TLN2: variants seen among roughly 807,000 people sequenced by gnomAD.
The protein encoded by TLN2 is talin-2.
TLN2 carries 118 observed loss-of-function variants against 294.7 expected under a neutral mutation model. The observed-to-expected ratio is 0.40, with a 90% CI of 0.34 to 0.47. The LOEUF is 0.47. Among genes scored for constraint, TLN2 ranks in the 20% least tolerant of loss-of-function variants. The pLI, the probability that TLN2 is intolerant of heterozygous loss-of-function variation, is 0.84. For synonymous variants in TLN2, 1,431 were observed against 1,304.5 expected, an observed-to-expected ratio of 1.10 and a Z score of -2.09; for missense variants, 3,083 against 3,282.2, an observed-to-expected ratio of 0.94 and a Z score of 1.48.
At chr15:62,763,515 G>A in intron 39 of TLN2, 48 bp from the exon 40 acceptor site, 2 of 1,562,712 alleles carry the variant, frequency 1.3e-6, no homozygotes, top group Non-Finnish European at 1.7e-6. Context: ...CAGGCTGTGG[G>A]ACTTGAGCCC....
At chr15:62,472,959 C>T (rs2037567808) in intron 1 of TLN2, among the ~76,000 whole-genome samples, 1 of 152,190 alleles carries the variant, frequency 6.6e-6, no homozygotes, top group Non-Finnish European at 1.5e-5. Context: ...TGGTTCTTTG[C>T]TCCTTTCTTA....
At chr15:62,747,141 C>G (rs2061661041) in intron 32 of TLN2, among the ~76,000 whole-genome samples, 1 of 152,158 alleles carries the variant, frequency 6.6e-6, no homozygotes, top group South Asian at 2.1e-4. Context: ...TACGAATGGC[C>G]ATGACTTTCA....
At chr15:62,699,622 A>G (rs961008587) in intron 16 of TLN2, among the ~76,000 whole-genome samples, 1 of 152,170 alleles carries the variant, frequency 6.6e-6, no homozygotes, top group Non-Finnish European at 1.5e-5. Flanking sequence ...AGCATTGGCA[A>G]TTCCTAGGGT....
At chr15:62,587,764 G>C (rs1262628932) in intron 1 of TLN2, among the ~76,000 whole-genome samples, 1 of 152,202 alleles carries the variant, frequency 6.6e-6, no homozygotes, top group Non-Finnish European at 1.5e-5. Flanking sequence ...GGTGGCTACA[G>C]AATGACGTTT....
intron 1 of TLN2, among the ~76,000 whole-genome samples, chr15:62,568,048 A>G (rs1272077968): frequency 1.3e-5 from 2 of 152,156 alleles, no homozygotes; most frequent in African/African-American, 4.8e-5. Context: ...TGAGCCCACG[A>G]CCACAGATAT....
chr15:62,595,822 G>T (rs1338178330), intron 2 of TLN2, among the ~76,000 whole-genome samples: 3 of 152,182 alleles, frequency 2.0e-5, no homozygotes, highest in African/African-American at 4.8e-5. Context: ...AAATACCCGT[G>T]TTCTTAATTA....
intron 50 of TLN2, among the ~76,000 whole-genome samples, chr15:62,802,671 G>T (rs1361247681): frequency 6.6e-6 from 1 of 152,154 alleles, no homozygotes; most frequent in Non-Finnish European, 1.5e-5. Flanking sequence ...CATAGTGTTT[G>T]TACTAATTTA....
intron 1 of TLN2, among the ~76,000 whole-genome samples, chr15:62,585,657 T>A (rs965380278): frequency 6.6e-6 from 1 of 152,176 alleles, no homozygotes; most frequent in Non-Finnish European, 1.5e-5. Context: ...TGCTAAATGA[T>A]TTATTGTATG....
chr15:62,554,666 A>G (rs1231921765), intron 1 of TLN2, among the ~76,000 whole-genome samples: 1 of 152,164 alleles, frequency 6.6e-6, no homozygotes, highest in Non-Finnish European at 1.5e-5. Flanking sequence ...TTCTGGAACA[A>G]ACGGAAAAAG....
At position 62,521,472 on chromosome 15, in the gene TLN2, G is replaced by GC. The variant is rs199977955; in HGVS notation, c.-237-68215_-237-68214insC. ...GGCAGTGGAGTTTAGGGAGACAGTT[G>GC]GGGGGCAAGTTACAGGTCATAAGTG... is the stretch of plus-strand genomic sequence containing the variant. On this transcript the variant is annotated intron_variant, in intron 1 of 58. Coordinates refer to ENST00000636159, the MANE Select transcript of TLN2 (RefSeq NM_015059.3). Among the ~76,000 whole-genome samples, 3 of 109,824 alleles carry GC rather than the reference G, an allele frequency of 2.7e-5. No homozygotes were observed. In the East Asian group the frequency reaches 3.0e-3, roughly 111 times the overall value. 72.0% of individuals were successfully genotyped at this position (109,824 alleles called of 152,430 possible). A position where few individuals can be genotyped will look rare whatever the true frequency, so the allele number is the denominator to read the frequency against.
At chr15:62,541,522 C>T (rs1361124274) in intron 1 of TLN2, among the ~76,000 whole-genome samples, 1 of 152,162 alleles carries the variant, frequency 6.6e-6, no homozygotes, top group African/African-American at 2.4e-5. Flanking sequence ...CTCAGGGAAC[C>T]ACCCCTTCCA....
intron 27 of TLN2, 100 bp from the exon 28 acceptor site, chr15:62,726,987 G>T (rs1393908687): frequency 8.2e-7 from 1 of 1,223,218 alleles, no homozygotes; most frequent in African/African-American, 1.5e-5. Flanking sequence ...AAAGAGCTAG[G>T]GCTCAAAGTT....
At chr15:62,550,773 TC>T (rs1331793871) in intron 1 of TLN2, among the ~76,000 whole-genome samples, 1 of 152,140 alleles carries the variant, frequency 6.6e-6, no homozygotes, top group East Asian at 1.9e-4. Flanking sequence ...TGCTTGGAGT[TC>T]CCCATCTCAT....
At chr15:62,533,511 A>T (rs1393538167) in intron 1 of TLN2, among the ~76,000 whole-genome samples, 1 of 152,130 alleles carries the variant, frequency 6.6e-6, no homozygotes, top group Non-Finnish European at 1.5e-5. Flanking sequence ...GATCATTATA[A>T]ATATATATAA....
chr15:62,817,814 CTTTTTTT>C (rs1179496167), intron 52 of TLN2, among the ~76,000 whole-genome samples: 2 of 115,724 alleles, frequency 1.7e-5, no homozygotes, highest in African/African-American at 6.7e-5. Flanking sequence ...TCCATTCTAT[CTTTTTTT>C]TTTTTTTTTT....
intron 9 of TLN2, among the ~76,000 whole-genome samples, chr15:62,668,019 C>T (rs2054928451): frequency 6.6e-6 from 1 of 152,052 alleles, no homozygotes; most frequent in South Asian, 2.1e-4. Flanking sequence ...AACTCAAATA[C>T]ATAGAAACGG....
chr15:62,728,165 C>T (rs562135360), intron 28 of TLN2, among the ~76,000 whole-genome samples: 14 of 152,094 alleles, frequency 9.2e-5, no homozygotes, highest in African/African-American at 2.7e-4. Context: ...CAGAGTTAAA[C>T]GCTCATGGCT....
chr15:62,581,084 A>G (rs569536740), intron 1 of TLN2, among the ~76,000 whole-genome samples: 4 of 152,044 alleles, frequency 2.6e-5, no homozygotes, highest in South Asian at 4.2e-4. Context: ...GGGTTTCACC[A>G]TGTTGGCCCG....
intron 2 of TLN2, among the ~76,000 whole-genome samples, chr15:62,595,045 CAACAT>C (rs1329887531): frequency 6.6e-6 from 1 of 152,150 alleles, no homozygotes; most frequent in Non-Finnish European, 1.5e-5. Flanking sequence ...AAAAAATACT[CAACAT>C]CACTAATCAT....
Sources: allele counts gnomAD v4.1 joint callset (sites outside exome capture counted in the v4.1 genomes callset), GRCh38; gene constraint gnomAD v4.1.1; transcripts MANE v1.5; gene names NCBI Gene and HGNC (gene_info 2026-07-23, HGNC 2026-07-21).